Variants in ZIC4 observed in about 807,000 individuals in gnomAD.
The protein encoded by ZIC4 is Zic family zinc finger 4, also known as zinc finger protein ZIC 4.
In ZIC4, 15 loss-of-function variants were observed where a neutral mutation model predicts 28.8. That is an observed-to-expected ratio of 0.52 (90% CI 0.35 to 0.80). The LOEUF (loss-of-function observed/expected upper bound fraction) is 0.80. Among genes scored for constraint, ZIC4 ranks in the 30% least tolerant of loss-of-function variants. ZIC4 has a pLI of 0.01. For missense variants in ZIC4, 512 were observed against 467.1 expected (o/e 1.10, Z -0.89); for synonymous variants, 220 against 198.1 (o/e 1.11, Z -0.93).
chr3:147,405,310 G>A, intron 1 of ZIC4: 7 of 1,423,696 alleles, frequency 4.9e-6, no homozygotes, highest in Non-Finnish European at 6.5e-6. Context: ...AGAAAAAAGA[G>A]CAGCATGCAG....
chr3:147,394,549 C>T (rs1239607692), intron 3 of ZIC4, among the ~76,000 whole-genome samples: 1 of 151,932 alleles, frequency 6.6e-6, no homozygotes, highest in East Asian at 1.9e-4. Context: ...TTCCGGGTGT[C>T]CGCCGCCAGC....
intron 3 of ZIC4, 194 bp from the exon 4 acceptor site, chr3:147,391,440 G>C: frequency 1.6e-6 from 1 of 614,444 alleles, no homozygotes. Flanking sequence ...TCTCTTGAAC[G>C]CCTCCATCCC....
chr3:147,396,080 G>C lies in ZIC4; in HGVS notation c.460C>G (p.Leu154Val). ...CSKTFSTMHELVTHVTVEHVG... is the reference protein window; with the variant it reads ...CSKTFSTMHEVVTHVTVEHVG... ...TGCTCCACGGTGACGTGCGTGACCA[G>C]CTCGTGCATGGTGCTGAAAGTTTTG... Residue 154 changes from leucine to valine, a missense_variant, in exon 3 of 5, where the codon CTG (leucine) becomes GTG (valine). Around this residue, in one of 3 missense-constraint regions of ZIC4, gnomAD observed 310 missense variants for 256.5 expected, o/e 1.21. Transcript: ENST00000383075. The surrounding 1 kb of genome is among the most constrained non-coding windows in gnomAD (Gnocchi z 4.2). The C allele has an allele frequency of 6.2e-7, 1 of 1,614,256 alleles. No individual in the cohort carries two copies.
intron 2 of ZIC4, among the ~76,000 whole-genome samples, chr3:147,398,618 C>T (rs374248943): frequency 2.0e-5 from 3 of 152,144 alleles, no homozygotes; most frequent in Non-Finnish European, 4.4e-5. Context: ...GGGACTCCTG[C>T]CTTGTCGCTG....
rs369343399 is a variant in ZIC4 at position 147,396,186 on chromosome 3, G to A, written c.354C>T (p.Arg118=). 3.7e-6 allele frequency: 6 copies of A among 1,614,006 alleles called. No homozygotes were observed. The African/African-American group carries it at 8.0e-5, about 22-fold the overall frequency. ...AAPHGPGAFF[R]YMRQPIKQEL... ...CCTGTTTGATGGGCTGGCGCATGTA[G>A]CGGAAGAAAGCGCCAGGACCGTGGG... The change falls in exon 3 of 5, where the codon CGC becomes CGT. Residue 118 remains arginine, a synonymous_variant. Transcript: ENST00000383075. The surrounding 1 kb of genome is among the most constrained non-coding windows in gnomAD (Gnocchi z 4.2).
intron 2 of ZIC4, among the ~76,000 whole-genome samples, chr3:147,402,054 G>A (rs2087173346): frequency 6.6e-6 from 1 of 152,134 alleles, no homozygotes; most frequent in South Asian, 2.1e-4. Flanking sequence ...GAACATCTTT[G>A]GAGGCAACCA....
rs930892145 is a variant in ZIC4, at chr3:147,396,319, C to T, written c.221G>A (p.Arg74Gln). ...AGGCCCTGGCGGGAAGGGCTCCGGC[C>T]GCGCGTACATGTCTCCAGGGAGCCC... is the stretch of plus-strand genomic sequence containing the variant. ...RLGLPGDMYA[R>Q]PEPFPPGPAA... is the part of the protein sequence containing the mutation. The change falls in exon 3 of 5, where the codon CGG (arginine) becomes CAG (glutamine). Residue 74 changes from arginine (R) to glutamine (Q), a missense_variant. This residue lies in a region of ZIC4 where 310 missense variants were observed against 256.5 expected (regional missense o/e 1.21). Transcript: ENST00000383075. This position sits in a 1 kb window ranked among gnomAD's most constrained non-coding sequence, Gnocchi z 4.2. 1 of 1,596,060 alleles carries T rather than the reference C, an allele frequency of 6.3e-7. No individual in the cohort carries two copies. Among genetic ancestry groups the T allele is most frequent in the Admixed American group, 1.7e-5 (1 of 57,242 alleles).
chr3:147,396,368 G>A lies in ZIC4; in HGVS notation c.172C>T (p.Pro58Ser), dbSNP rs756694792. The stretch of plus-strand genomic sequence containing the variant: ...CCCAGACGCAGGAGTCCATTCAAAG[G>A]ACGGCTGGGGGAGGCCTGGGGAGGC... ...EEPPQASPSR[P>S]LNGLLRLGLP... is the part of the protein sequence containing the mutation. The change falls in exon 3 of 5, where the codon CCT (proline) becomes TCT (serine). Residue 58 changes from proline to serine, a missense_variant. Pro to Ser is a moderately conservative substitution (Grantham distance 74). This residue lies in a region of ZIC4 where 310 missense variants were observed against 256.5 expected (regional missense o/e 1.21). Coordinates refer to ENST00000383075, the MANE Select transcript of ZIC4 (RefSeq NM_032153.6). The surrounding 1 kb of genome is among the most constrained non-coding windows in gnomAD (Gnocchi z 4.2). 21 of 1,547,476 alleles carry A rather than the reference G, an allele frequency of 1.4e-5. No homozygotes were observed. Among genetic ancestry groups the A allele is most frequent in the Admixed American group, 2.0e-5 (1 of 49,054 alleles).
At chr3:147,397,095 T>C (rs2087065116) in intron 2 of ZIC4, 1 of 152,010 alleles carries the variant, frequency 6.6e-6, no homozygotes, top group Non-Finnish European at 1.5e-5. Flanking sequence ...TTTTCTTTCT[T>C]TCTTTCTCTT....
At chr3:147,404,647 A>G (rs886618785) in intron 1 of ZIC4, among the ~76,000 whole-genome samples, 3 of 152,142 alleles carry the variant, frequency 2.0e-5, no homozygotes, top group African/African-American at 4.8e-5. Context: ...CATCCTGGAG[A>G]CTTTTTGGAA....
chr3:147,404,319 C>T (rs1354487298), intron 1 of ZIC4: 1 of 1,344,370 alleles, frequency 7.4e-7, no homozygotes. Flanking sequence ...GCACTACAGA[C>T]CCATAGACAT....
chr3:147,399,764 C>G (rs1411814107), intron 2 of ZIC4, among the ~76,000 whole-genome samples: 1 of 150,534 alleles, frequency 6.6e-6, no homozygotes, highest in African/African-American at 2.4e-5. Context: ...CTCCCTGGTT[C>G]AAGCGATTCT....
chr3:147,397,577 A>T (rs1174000356), intron 2 of ZIC4, among the ~76,000 whole-genome samples: 1 of 151,844 alleles, frequency 6.6e-6, no homozygotes, highest in Non-Finnish European at 1.5e-5. Context: ...GGGTTATGCC[A>T]CCATTCACCA....
intron 2 of ZIC4, among the ~76,000 whole-genome samples, chr3:147,399,184 A>G (rs1377444694): frequency 6.6e-6 from 1 of 151,838 alleles, no homozygotes; most frequent in Non-Finnish European, 1.5e-5. Context: ...TTGTGACTAG[A>G]CTCTCAGGAT....
In ZIC4 at chr3:147,395,457, G is replaced by A. The variant is rs961360498; in HGVS notation, c.688+395C>T. Among the ~76,000 whole-genome samples, 9 of 152,196 alleles carry A rather than the reference G, an allele frequency of 5.9e-5. No individual in the cohort carries two copies. In the South Asian group the frequency reaches 1.9e-3, roughly 32 times the overall value. On this transcript the variant is annotated intron_variant, in intron 3 of 4. Transcript: ENST00000383075. ...GTGGGCCAGGTTATCAGGACTACAGGTGGAAGAGTTCTGCTGCGCAATTCC... is the reference window on the plus strand; with the variant it reads ...GTGGGCCAGGTTATCAGGACTACAGATGGAAGAGTTCTGCTGCGCAATTCC...
At chr3:147,395,278 T>C (rs1038555337) in intron 3 of ZIC4, among the ~76,000 whole-genome samples, 6 of 152,176 alleles carry the variant, frequency 3.9e-5, no homozygotes, top group Non-Finnish European at 5.9e-5. Context: ...GTAAATGATA[T>C]TTAAGGTGGA....
chr3:147,398,519 G>A lies in ZIC4; in HGVS notation c.71-2050C>T, dbSNP rs576658373. 1.6e-3 allele frequency among the ~76,000 whole-genome samples: 242 copies of A among 152,158 alleles called. 1 individual carries two copies. Among genetic ancestry groups the A allele is most frequent in the Non-Finnish European group, 2.8e-3 (193 of 67,994 alleles). On this transcript the variant is annotated intron_variant, in intron 2 of 4. Coordinates refer to ENST00000383075, the MANE Select transcript of ZIC4 (RefSeq NM_032153.6). ...GGCAAAAGCCGAGGGTCGGGGGTTG[G>A]GGGGCTTTGGGGGCGAGCGGTAGTC...
In ZIC4 at chr3:147,402,566, A is replaced by G. The variant is rs577158403; in HGVS notation, c.70+162T>C. Among the ~76,000 whole-genome samples the G allele has an allele frequency of 3.7e-4, 56 of 152,230 alleles. No individual in the cohort carries two copies. The South Asian group carries it at 4.6e-3, about 12-fold the overall frequency. Reference sequence around the variant, plus strand: ...TGATTTGTGTGCAAATGTATTGAACACTAAGGAGTTCTAAGTTTCATTTGA... The same window carrying G: ...TGATTTGTGTGCAAATGTATTGAACGCTAAGGAGTTCTAAGTTTCATTTGA... On this transcript the variant is annotated intron_variant, in intron 2 of 4. Transcript: ENST00000383075.
intron 3 of ZIC4, chr3:147,392,387 A>G: frequency 1.0e-6 from 1 of 985,472 alleles, no homozygotes; most frequent in Middle Eastern, 5.2e-4. Context: ...TAGAGTGACA[A>G]TATTGGCCGG....
Sources: gnomAD v4.1 joint callset for allele counts (sites outside exome capture counted in the v4.1 genomes callset) on GRCh38, gnomAD v4.1.1 for gene constraint, gnomAD v4.1.1 regional missense constraint, Gnocchi (gnomAD v3.1) non-coding constraint, MANE v1.5 for transcripts, NCBI Gene and HGNC (gene_info 2026-07-23, HGNC 2026-07-21) for gene names.